FREM2: variants seen among roughly 807,000 people sequenced by gnomAD.
FREM2 encodes FRAS1-related extracellular matrix protein 2.
FREM2 carries 119 observed loss-of-function variants against 219.9 expected under a neutral mutation model. The observed-to-expected ratio is 0.54, with a 90% confidence interval of 0.47 to 0.63. The LOEUF is 0.63. FREM2 is among the 30% of genes least tolerant of loss of function. FREM2 has a pLI of 0.00. For missense variants in FREM2, 4,030 were observed against 3,993.6 expected (o/e 1.01, Z -0.25); for synonymous variants, 1,562 against 1,522.8 (o/e 1.03, Z -0.60).
At chr13:38,798,417 T>G (rs1463104894) in intron 6 of FREM2, among the ~76,000 whole-genome samples, 1 of 152,100 alleles carries the variant, frequency 6.6e-6, no homozygotes, top group Non-Finnish European at 1.5e-5. Context: ...TATTGGCCTA[T>G]AGTTTTGTTG....
chr13:38,735,006 A>G (rs546296546), intron 2 of FREM2, among the ~76,000 whole-genome samples: 90 of 152,264 alleles, frequency 5.9e-4, no homozygotes, highest in African/African-American at 2.1e-3. Flanking sequence ...TTGGCCTCCC[A>G]AAGTGCTGGG....
chr13:38,824,311 T>C (rs1035318640), intron 6 of FREM2, among the ~76,000 whole-genome samples: 5 of 152,260 alleles, frequency 3.3e-5, no homozygotes, highest in African/African-American at 1.2e-4. Flanking sequence ...TGTCTAATTC[T>C]GGCTCTGTCT....
rs147572592 is a variant in FREM2, at chr13:38,707,034, AT to A, written c.5263+9248del. ...AAATATTTGTATAAATGAGAAAAAA[AT>A]GTTTTTCTTAATATTCTGTTTCAGA... On this transcript the variant is annotated intron_variant, in intron 2 of 23. Coordinates refer to ENST00000280481, the MANE Select transcript of FREM2 (RefSeq NM_207361.6). 2.8e-3 allele frequency among the ~76,000 whole-genome samples: 433 copies of A among 152,342 alleles called. 3 individuals are homozygous for A. Among genetic ancestry groups the A allele is most frequent in the African/African-American group, 0.01 (419 of 41,582 alleles).
chr13:38,851,980 C>G (rs1267270846), intron 11 of FREM2, 112 bp downstream of exon 11: 24 of 973,660 alleles, frequency 2.5e-5, no homozygotes, highest in Non-Finnish European at 3.7e-5. Context: ...AAATAGGGCA[C>G]TCTTTTTTAG....
chr13:38,698,856 G>A (rs537977161), intron 2 of FREM2, among the ~76,000 whole-genome samples: 2 of 152,238 alleles, frequency 1.3e-5, no homozygotes, highest in Admixed American at 1.3e-4. Flanking sequence ...GTGTGCCAGA[G>A]AGGCAAACAA....
chr13:38,783,904 G>C (rs1368672127), intron 5 of FREM2, among the ~76,000 whole-genome samples: 1 of 152,224 alleles, frequency 6.6e-6, no homozygotes, highest in Non-Finnish European at 1.5e-5. Context: ...CGACCAGTCT[G>C]ATCAACATGG....
chr13:38,725,153 AG>A (rs571771945), intron 2 of FREM2, among the ~76,000 whole-genome samples: 121 of 152,232 alleles, frequency 7.9e-4, no homozygotes, highest in Non-Finnish European at 1.5e-3. Context: ...TGCAAATAGC[AG>A]TGCATACACA....
chr13:38,687,489 G>A lies in FREM2; in HGVS notation c.145G>A (p.Ala49Thr), dbSNP rs1869517396. Residue 49 changes from alanine (A) to threonine (T), a missense_variant, in exon 1 of 24, where the codon GCT becomes ACT. Around this residue, in one of 2 missense-constraint regions of FREM2, gnomAD observed 3,102 missense variants for 2,950.7 expected, o/e 1.05. Coordinates refer to ENST00000280481, the MANE Select transcript of FREM2 (RefSeq NM_207361.6). ...GGTAAGCCGCGTCCCGGCACAGCCC[G>A]CTGCCTTCGGCAGGGCGTTGCTGTC... ...SLVSRVPAQP[A>T]AFGRALLSPG... The A allele has an allele frequency of 1.3e-6, 2 of 1,592,194 alleles. No individual in the cohort carries two copies. The highest frequency in any genetic ancestry group is 1.8e-5 in the Admixed American group (1 of 56,048).
At chr13:38,844,033 A>G (rs1397718966) in intron 6 of FREM2, among the ~76,000 whole-genome samples, 2 of 152,144 alleles carry the variant, frequency 1.3e-5, no homozygotes, top group Non-Finnish European at 2.9e-5. Context: ...GAAAAATCAT[A>G]TACATAAATC....
Position 38,883,616 on chromosome 13 carries a change from G to T in FREM2, c.*2829G>T, listed in dbSNP as rs1032330131. ...TTTTGCCCTTAGTTAACATTTACTG[G>T]TGCTCACCTAGGATTGGCTATTCTG... On this transcript the variant is annotated 3_prime_UTR_variant, in exon 24 of 24. Transcript: ENST00000280481. The T allele has an allele frequency of 2.6e-5, 4 of 152,004 alleles. No individual in the cohort carries two copies. Among genetic ancestry groups the T allele is most frequent in the African/African-American group, 9.7e-5 (4 of 41,364 alleles). 9.4% of individuals were successfully genotyped at this position (152,004 alleles called of 1,614,324 possible).
chr13:38,823,296 T>G (rs1487690724), intron 6 of FREM2, among the ~76,000 whole-genome samples: 1 of 152,020 alleles, frequency 6.6e-6, no homozygotes, highest in African/African-American at 2.4e-5. Flanking sequence ...GCCGCCTGCT[T>G]CCAGTTTGCT....
Position 38,777,410 on chromosome 13 carries a change from C to T in FREM2, c.5642-5660C>T, listed in dbSNP as rs569457003. ...CTTAGGCAGTAATGTGTAGTGGTTACGAGCCTGGGCGGGCTCTGACATGGA... is the reference window on the plus strand; with the variant it reads ...CTTAGGCAGTAATGTGTAGTGGTTATGAGCCTGGGCGGGCTCTGACATGGA... On this transcript the variant is annotated intron_variant, in intron 4 of 23. Transcript: ENST00000280481. Among the ~76,000 whole-genome samples the T allele has an allele frequency of 3.3e-5, 5 of 152,244 alleles. No individual in the cohort carries two copies. In the East Asian group the frequency reaches 7.7e-4, roughly 23 times the overall value.
At chr13:38,758,411 A>G (rs1873099244) in intron 2 of FREM2, among the ~76,000 whole-genome samples, 1 of 152,120 alleles carries the variant, frequency 6.6e-6, no homozygotes, top group Admixed American at 6.6e-5. Context: ...TTTGTCTTTG[A>G]TCCCCTCAGG....
At chr13:38,725,902 G>C (rs1321250019) in intron 2 of FREM2, among the ~76,000 whole-genome samples, 2 of 152,178 alleles carry the variant, frequency 1.3e-5, no homozygotes, top group Non-Finnish European at 2.9e-5. Context: ...TGTGAGTGAG[G>C]TGGCAAGGAT....
At chr13:38,767,716 T>A (rs538094537) in intron 3 of FREM2, among the ~76,000 whole-genome samples, 2 of 152,240 alleles carry the variant, frequency 1.3e-5, no homozygotes, top group South Asian at 2.1e-4. Flanking sequence ...GACAACCAAC[T>A]CTGTGTGCAC....
intron 6 of FREM2, among the ~76,000 whole-genome samples, chr13:38,843,069 C>T (rs1593440482): frequency 1.3e-5 from 2 of 152,156 alleles, no homozygotes; most frequent in South Asian, 4.1e-4. Context: ...AATTCAAAAC[C>T]TCCCTTGCAC....
Position 38,874,439 on chromosome 13 carries a change from C to G in FREM2, c.8177-43C>G. 3 of 1,497,370 alleles carry G rather than the reference C, an allele frequency of 2.0e-6. No homozygotes were observed. In the East Asian group the frequency reaches 6.8e-5, roughly 34 times the overall value. The allele number at this position is 1,497,370 out of a possible 1,614,324, so 92.8% of individuals were successfully genotyped here. A position where few individuals can be genotyped will look rare whatever the true frequency, so the allele number is the denominator to read the frequency against. ...GAAGGAATCTGTACATAAGGGGTCTCTGGCTACATATATTTTCATTCTTGG... is the reference window on the plus strand; with the variant it reads ...GAAGGAATCTGTACATAAGGGGTCTGTGGCTACATATATTTTCATTCTTGG... On this transcript the variant is annotated intron_variant, in intron 17 of 23. Transcript: ENST00000280481.
At chr13:38,695,363 A>C (rs1870065704) in intron 1 of FREM2, among the ~76,000 whole-genome samples, 1 of 152,212 alleles carries the variant, frequency 6.6e-6, no homozygotes, top group Non-Finnish European at 1.5e-5. Context: ...TCAATAACAC[A>C]TGCCCTAACT....
chr13:38,877,153 A>C lies in FREM2; in HGVS notation c.8581A>C (p.Thr2861Pro). 6.2e-7 allele frequency: 1 copy of C among 1,614,090 alleles called. No individual in the cohort carries two copies. The highest frequency in any genetic ancestry group is 8.5e-7 in the Non-Finnish European group (1 of 1,179,942). The change falls in exon 21 of 24, where the codon ACC (threonine) becomes CCC (proline). Residue 2861 changes from threonine to proline, a missense_variant. Thr to Pro is a conservative substitution (Grantham distance 38). Coordinates refer to ENST00000280481, the MANE Select transcript of FREM2 (RefSeq NM_207361.6). ...DPVAAEFSLN[T>P]QMYLLSKKSL... ...AGTGGCTGCTGAGTTTAGCTTGAAC[A>C]CCCAAATGTACCTGCTCTCTAAGAA...
Sources: gnomAD v4.1 joint callset for allele counts (sites outside exome capture counted in the v4.1 genomes callset) on GRCh38, gnomAD v4.1.1 for gene constraint, gnomAD v4.1.1 regional missense constraint, MANE v1.5 for transcripts, NCBI Gene and HGNC (gene_info 2026-07-23, HGNC 2026-07-21) for gene names.